The following NPAS2 variants were observed in gnomAD, a reference collection of about 807,000 sequenced individuals.
NPAS2 encodes neuronal PAS domain protein 2.
Under a neutral mutation model 107.5 loss-of-function variants are expected in NPAS2, and 23 were observed. That is an observed-to-expected ratio of 0.21 (90% confidence interval 0.15 to 0.30). The LOEUF is 0.30. Among genes scored for constraint, NPAS2 ranks in the 10% least tolerant of loss-of-function variants. The probability of loss-of-function intolerance (pLI) is 1.00; values close to 1 mark genes in which losing one functional copy is unlikely to be tolerated. For synonymous variants in NPAS2, 403 were observed against 417.5 expected (o/e 0.97, Z 0.42); for missense variants, 756 against 1,043.3 (o/e 0.72, Z 3.79).
chr2:100,926,937 C>CT (rs1683606168), intron 3 of NPAS2, among the ~76,000 whole-genome samples: 5 of 138,210 alleles, frequency 3.6e-5, no homozygotes, highest in Admixed American at 7.2e-5. Flanking sequence ...TTCTTTTTTT[C>CT]TTTCTTTTTT....
chr2:100,954,371 C>T (rs114922815), intron 7 of NPAS2, among the ~76,000 whole-genome samples: 37 of 152,226 alleles, frequency 2.4e-4, no homozygotes, highest in African/African-American at 8.2e-4. Flanking sequence ...AAAACAGAAA[C>T]CAGAAAATGT....
At position 100,873,303 on chromosome 2, in the gene NPAS2, TATATACACACAC is replaced by T. The variant is rs1271457311; in HGVS notation, c.-22-31428_-22-31417del. Among the ~76,000 whole-genome samples, 453 of 45,934 alleles carry T rather than the reference TATATACACACAC, an allele frequency of 9.9e-3. 1 individual carries two copies. The highest frequency in any genetic ancestry group is 0.014 in the Non-Finnish European group (307 of 22,736). The allele number at this position is 45,934 out of a possible 152,430, so 30.1% of individuals were successfully genotyped here. A position where few individuals can be genotyped will look rare whatever the true frequency, so the allele number is the denominator to read the frequency against. On this transcript the variant is annotated intron_variant, in intron 1 of 20. Coordinates refer to ENST00000335681, the MANE Select transcript of NPAS2 (RefSeq NM_002518.4). ...ATATATATATATATATATATATATA[TATATACACACAC>T]ACACACACACACACACACACACACA...
chr2:100,843,236 G>A (rs1310503182), intron 1 of NPAS2, among the ~76,000 whole-genome samples: 2 of 148,344 alleles, frequency 1.3e-5, no homozygotes, highest in Non-Finnish European at 3.0e-5. Flanking sequence ...AAAAAATGCT[G>A]GCATCTGTTC....
chr2:100,925,665 G>C (rs998722780), intron 3 of NPAS2, among the ~76,000 whole-genome samples: 1 of 152,198 alleles, frequency 6.6e-6, no homozygotes, highest in Admixed American at 6.5e-5. Context: ...TGTGGGATCA[G>C]ACTATGTGGG....
At chr2:100,950,659 C>T (rs1675166467) in intron 7 of NPAS2, among the ~76,000 whole-genome samples, 1 of 152,322 alleles carries the variant, frequency 6.6e-6, no homozygotes, top group East Asian at 1.9e-4. Context: ...GTGATCCTGC[C>T]AGCATGATTT....
intron 1 of NPAS2, among the ~76,000 whole-genome samples, chr2:100,869,817 C>T (rs1269939177): frequency 1.3e-5 from 2 of 152,156 alleles, no homozygotes; most frequent in Non-Finnish European, 2.9e-5. Flanking sequence ...CGGGGCTCCC[C>T]TCCTGTGAGC....
chr2:100,872,743 C>T (rs1679655534), intron 1 of NPAS2, among the ~76,000 whole-genome samples: 1 of 152,162 alleles, frequency 6.6e-6, no homozygotes, highest in African/African-American at 2.4e-5. Context: ...TAGAGCTGAA[C>T]ACTGGATGAG....
At chr2:100,923,205 C>A (rs1042447646) in intron 2 of NPAS2, among the ~76,000 whole-genome samples, 1 of 151,846 alleles carries the variant, frequency 6.6e-6, no homozygotes, top group Admixed American at 6.6e-5. Flanking sequence ...AGTGGCTCGG[C>A]GAGGGACAGG....
intron 7 of NPAS2, chr2:100,962,661 T>C (rs1207219834): frequency 6.6e-6 from 1 of 152,204 alleles, no homozygotes; most frequent in East Asian, 1.9e-4. Flanking sequence ...GAGTTCCACG[T>C]ACGTAGTAAA....
At chr2:100,953,386 A>C (rs11889457) in intron 7 of NPAS2, among the ~76,000 whole-genome samples, 42,446 of 149,904 alleles carry the variant, frequency 0.28, 6,857 homozygotes, top group East Asian at 0.46. Flanking sequence ...AAAAAAAAAA[A>C]AAAACAAAAA....
At chr2:100,966,139 C>G (rs115822558) in intron 10 of NPAS2, among the ~76,000 whole-genome samples, 125 of 152,180 alleles carry the variant, frequency 8.2e-4, no homozygotes, top group African/African-American at 2.7e-3. Context: ...AAGTATTGGT[C>G]ACTAACCATA....
chr2:100,818,855 T>G (rs967705946), upstream of NPAS2, among the ~76,000 whole-genome samples: 1 of 152,200 alleles, frequency 6.6e-6, no homozygotes, highest in African/African-American at 2.4e-5. Flanking sequence ...CTTTCCCCTC[T>G]CCCGGGCTTC....
intron 2 of NPAS2, 22 bp from the exon 3 acceptor site, chr2:100,925,124 C>A (rs1044558517): frequency 1.9e-6 from 3 of 1,598,218 alleles, no homozygotes; most frequent in Non-Finnish European, 2.6e-6. Context: ...GTTCCAGTAA[C>A]CTGCTCGTTT....
chr2:100,833,959 A>G (rs1676896248), intron 1 of NPAS2, among the ~76,000 whole-genome samples: 1 of 152,094 alleles, frequency 6.6e-6, no homozygotes, highest in Non-Finnish European at 1.5e-5. Flanking sequence ...CACACTCCCA[A>G]TTCTGGTTAA....
intron 7 of NPAS2, among the ~76,000 whole-genome samples, chr2:100,949,706 G>A (rs926581222): frequency 6.6e-6 from 1 of 152,148 alleles, no homozygotes; most frequent in Admixed American, 6.5e-5. Context: ...CAGTCCCACT[G>A]AAACACACAT....
chr2:100,885,948 A>T (rs1169543664), intron 1 of NPAS2, among the ~76,000 whole-genome samples: 1 of 152,260 alleles, frequency 6.6e-6, no homozygotes, highest in East Asian at 1.9e-4. Context: ...GGCATGAGCC[A>T]CCGAACCCGG....
intron 1 of NPAS2, among the ~76,000 whole-genome samples, chr2:100,852,688 C>T (rs1028154306): frequency 3.3e-5 from 5 of 152,128 alleles, no homozygotes; most frequent in South Asian, 4.2e-4. Flanking sequence ...GTGGAGTCAC[C>T]GCCTCTACAT....
rs140006410 is a variant in NPAS2, at chr2:100,904,995, T to C, written c.32+209T>C. 5.3e-5 allele frequency among the ~76,000 whole-genome samples: 8 copies of C among 152,330 alleles called. No individual in the cohort carries two copies. In the East Asian group the frequency reaches 1.5e-3, roughly 29 times the overall value. On this transcript the variant is annotated intron_variant, in intron 2 of 20. Transcript: ENST00000335681. Reference sequence around the variant, plus strand: ...CTGCCCCTCACTGTGAAATGACACATTGTCTAGGACTGGCTGAGTGGTCTG... The same window carrying C: ...CTGCCCCTCACTGTGAAATGACACACTGTCTAGGACTGGCTGAGTGGTCTG...
rs141849208 is a variant in NPAS2, at chr2:100,959,976, C to CT, written c.599-4079dup. ...CATCTTCCTTGCTCCTTCCTGAGCC[C>CT]TTTGAAAAAAGTTCTCTACCACCTG... On this transcript the variant is annotated intron_variant, in intron 7 of 20. Coordinates refer to ENST00000335681, the MANE Select transcript of NPAS2 (RefSeq NM_002518.4). Among the ~76,000 whole-genome samples the CT allele has an allele frequency of 1.4e-3, 209 of 152,240 alleles. 5 individuals carry two copies. In the East Asian group the frequency reaches 0.033, roughly 24 times the overall value.
Sources: allele counts gnomAD v4.1 joint callset (sites outside exome capture counted in the v4.1 genomes callset), GRCh38; gene constraint gnomAD v4.1.1; transcripts MANE v1.5; gene names NCBI Gene and HGNC (gene_info 2026-07-23, HGNC 2026-07-21).